The following ADAM10 variants were observed in gnomAD, a reference collection of about 807,000 sequenced individuals.
The protein encoded by ADAM10 is ADAM metallopeptidase domain 10.
Under a neutral mutation model 90.1 loss-of-function variants are expected in ADAM10, and 17 were observed. The ratio of observed to expected loss-of-function variants is 0.19; its 90% CI spans 0.13 to 0.28. The LOEUF is 0.28. Among genes scored for constraint, ADAM10 ranks in the 10% least tolerant of loss-of-function variants. The probability of loss-of-function intolerance (pLI) is 1.00; values close to 1 mark genes in which losing one functional copy is unlikely to be tolerated. For synonymous variants in ADAM10, 310 were observed against 298.6 expected (o/e 1.04, Z -0.40); for missense variants, 610 against 914.3 (o/e 0.67, Z 4.29).
Position 58,597,156 on chromosome 15 carries a change from G to A in ADAM10, c.*391C>T. ...AATGTTGAGGTGGTCGAGCCTCCTA[G>A]CCTTGATTGGCAGTTGAAAAAAATA... is the stretch of plus-strand genomic sequence containing the variant. On this transcript the variant is annotated 3_prime_UTR_variant, in exon 16 of 16. Transcript: ENST00000260408. 4.2e-6 allele frequency: 2 copies of A among 479,604 alleles called. No individual in the cohort carries two copies. The highest frequency in any genetic ancestry group is 7.5e-6 in the Non-Finnish European group (2 of 267,506). The allele number at this position is 479,604 out of a possible 1,614,324, so 29.7% of individuals were successfully genotyped here.
chr15:58,704,280 T>G (rs960044129), intron 2 of ADAM10: 1 of 152,186 alleles, frequency 6.6e-6, no homozygotes. Flanking sequence ...GGACAGATAG[T>G]AGAATAGTTG....
chr15:58,748,154 C>T (rs1437258389), intron 1 of ADAM10: 2 of 152,134 alleles, frequency 1.3e-5, no homozygotes. Context: ...TTAAATAAAA[C>T]GTGTAACAAA....
chr15:58,647,009 C>T (rs1012805126), intron 5 of ADAM10, among the ~76,000 whole-genome samples: 3 of 152,104 alleles, frequency 2.0e-5, no homozygotes, highest in Admixed American at 6.5e-5. Flanking sequence ...TAATGGCTTC[C>T]TTCTTTCCTT....
chr15:58,692,295 G>C (rs1374807202), intron 2 of ADAM10: 2 of 607,996 alleles, frequency 3.3e-6, no homozygotes, highest in Non-Finnish European at 6.5e-6. Context: ...GGCTCTTGTA[G>C]AATTCTCCAC....
chr15:58,672,724 G>A (rs1302266674), intron 4 of ADAM10: 1 of 141,284 alleles, frequency 7.1e-6, no homozygotes, highest in Non-Finnish European at 1.5e-5. Flanking sequence ...AGGCTGTGAA[G>A]CTGAAGAAAA....
chr15:58,739,301 T>C (rs942568952), intron 1 of ADAM10, among the ~76,000 whole-genome samples: 3 of 151,100 alleles, frequency 2.0e-5, no homozygotes, highest in Admixed American at 6.6e-5. Flanking sequence ...GGTCAGGAGA[T>C]TGAGACCATC....
chr15:58,714,999 T>C (rs182204908), intron 2 of ADAM10, among the ~76,000 whole-genome samples: 106 of 152,282 alleles, frequency 7.0e-4, no homozygotes, highest in Admixed American at 1.4e-3. Flanking sequence ...GACCACGGTT[T>C]AGGGCAGAAA....
intron 2 of ADAM10, among the ~76,000 whole-genome samples, chr15:58,690,142 A>G (rs181979547): frequency 6.6e-6 from 1 of 152,340 alleles, no homozygotes. Context: ...GAAAAGCCAC[A>G]AAATCATCTC....
At chr15:58,686,301 G>C (rs1897600396) in intron 2 of ADAM10, 1 of 591,102 alleles carries the variant, frequency 1.7e-6, no homozygotes, top group African/African-American at 1.9e-5. Context: ...ACCCAGAAAA[G>C]CCACTCCTTG....
chr15:58,650,538 C>G (rs544624206), intron 5 of ADAM10, among the ~76,000 whole-genome samples: 1 of 152,256 alleles, frequency 6.6e-6, no homozygotes, highest in Admixed American at 6.5e-5. Context: ...ATATTTTCAT[C>G]CTCAGCCTCA....
At chr15:58,598,155 C>T (rs1274646736) in intron 15 of ADAM10, among the ~76,000 whole-genome samples, 1 of 152,040 alleles carries the variant, frequency 6.6e-6, no homozygotes, top group Admixed American at 6.6e-5. Context: ...ACGTATATAG[C>T]CTGTTGTAAA....
At chr15:58,714,595 C>T (rs1339142187) in intron 2 of ADAM10, among the ~76,000 whole-genome samples, 13 of 151,904 alleles carry the variant, frequency 8.6e-5, no homozygotes, top group African/African-American at 3.1e-4. Flanking sequence ...GGCTGGGCTA[C>T]AAGATAGTAC....
chr15:58,735,272 T>A (rs1899392366), intron 1 of ADAM10, among the ~76,000 whole-genome samples: 7 of 152,184 alleles, frequency 4.6e-5, no homozygotes, highest in Admixed American at 4.6e-4. Context: ...CCTTACTACT[T>A]GCTAGACTCT....
In ADAM10 at chr15:58,685,463, CAATAAATA is replaced by C. The variant is rs553224874; in HGVS notation, c.207-3157_207-3150del. ...AGGTGACAGAACAACACTCCATCTC[CAATAAATA>C]AATAAATAAATAAATAAGATACAAA... is the stretch of plus-strand genomic sequence containing the variant. On this transcript the variant is annotated intron_variant, in intron 2 of 15. Transcript: ENST00000260408. Among the ~76,000 whole-genome samples, 173 of 139,588 alleles carry C rather than the reference CAATAAATA, an allele frequency of 1.2e-3. 1 individual carries two copies. In the South Asian group the frequency reaches 0.027, roughly 22 times the overall value. 91.6% of individuals were successfully genotyped at this position (139,588 alleles called of 152,430 possible).
intron 1 of ADAM10, among the ~76,000 whole-genome samples, chr15:58,724,037 C>T (rs1898949885): frequency 6.6e-6 from 1 of 152,142 alleles, no homozygotes; most frequent in African/African-American, 2.4e-5. Context: ...TCAAGACCAG[C>T]CTGGCCAACA....
chr15:58,704,088 G>C (rs1898211062), intron 2 of ADAM10: 2 of 152,332 alleles, frequency 1.3e-5, no homozygotes, highest in Non-Finnish European at 2.9e-5. Flanking sequence ...TAGCCAGCCA[G>C]ATCAGTCGAA....
intron 3 of ADAM10, among the ~76,000 whole-genome samples, chr15:58,681,724 T>A (rs1414993848): frequency 2.0e-5 from 3 of 152,154 alleles, no homozygotes; most frequent in African/African-American, 7.2e-5. Context: ...GCAAGAGAAA[T>A]TTGTTAGAAT....
chr15:58,662,355 CAG>C (rs747418135), intron 5 of ADAM10, among the ~76,000 whole-genome samples: 3 of 152,164 alleles, frequency 2.0e-5, no homozygotes, highest in Non-Finnish European at 4.4e-5. Context: ...TTTTTAGAGA[CAG>C]GGTCTCGCGC....
rs560845981 is a variant in ADAM10, at chr15:58,611,489, AGAG to A, written c.1695+316_1695+318del. ...CAAAAGCTTTGAAGGTTTGATATTC[AGAG>A]AAGATGACCAAAGAGTTCTTTTATT... On this transcript the variant is annotated intron_variant, in intron 12 of 15. Coordinates refer to ENST00000260408, the MANE Select transcript of ADAM10 (RefSeq NM_001110.4). 955 of 335,466 alleles carry A rather than the reference AGAG, an allele frequency of 2.8e-3. 21 individuals carry two copies. The highest frequency in any genetic ancestry group is 7.7e-4 in the Non-Finnish European group (141 of 183,986). The allele number at this position is 335,466 out of a possible 1,614,324, so 20.8% of individuals were successfully genotyped here.
Sources: gnomAD v4.1 joint callset for allele counts (sites outside exome capture counted in the v4.1 genomes callset) on GRCh38, gnomAD v4.1.1 for gene constraint, MANE v1.5 for transcripts, NCBI Gene and HGNC (gene_info 2026-07-23, HGNC 2026-07-21) for gene names.